DDAH1: variants seen among roughly 807,000 people sequenced by gnomAD.
The protein encoded by DDAH1 is N(G),N(G)-dimethylarginine dimethylaminohydrolase 1.
Under a neutral mutation model 28.8 loss-of-function variants are expected in DDAH1, and 19 were observed. The observed-to-expected ratio is 0.66, with a 90% CI of 0.46 to 0.97. The LOEUF is 0.97. DDAH1 is among the 50% of genes least tolerant of loss of function. The pLI is 0.00. For synonymous variants in DDAH1, 153 were observed against 154.4 expected (o/e 0.99, Z 0.07); for missense variants, 326 against 375.9 (o/e 0.87, Z 1.10).
At chr1:85,377,320 T>G (rs1650725602) in intron 1 of DDAH1, among the ~76,000 whole-genome samples, 1 of 152,084 alleles carries the variant, frequency 6.6e-6, no homozygotes, top group Admixed American at 6.5e-5. Context: ...ATTAATACAT[T>G]ATTAATTATA....
chr1:85,436,040 A>C (rs1653927449), intron 1 of DDAH1, among the ~76,000 whole-genome samples: 1 of 151,718 alleles, frequency 6.6e-6, no homozygotes, highest in Non-Finnish European at 1.5e-5. Context: ...ACCTCAAGTG[A>C]TCTGCCCACA....
intron 1 of DDAH1, among the ~76,000 whole-genome samples, chr1:85,540,629 C>G (rs1005023657): frequency 2.0e-5 from 3 of 152,132 alleles, no homozygotes; most frequent in African/African-American, 7.2e-5. Context: ...CCATAAAGCC[C>G]AGCAACTTCT....
At chr1:85,500,740 C>T (rs1412812161) in intron 1 of DDAH1, among the ~76,000 whole-genome samples, 1 of 152,150 alleles carries the variant, frequency 6.6e-6, no homozygotes, top group Non-Finnish European at 1.5e-5. Context: ...GTCAGAGAGG[C>T]TCTGTTCATT....
chr1:85,449,571 T>C (rs2100667191), intron 1 of DDAH1, among the ~76,000 whole-genome samples: 1 of 152,108 alleles, frequency 6.6e-6, no homozygotes, highest in African/African-American at 2.4e-5. Flanking sequence ...CCAAGACAGC[T>C]AGAGAGAATG....
intron 1 of DDAH1, among the ~76,000 whole-genome samples, chr1:85,502,664 A>G (rs532752): frequency 0.99 from 150,811 of 152,294 alleles, 74,692 homozygotes; most frequent in Middle Eastern, 1. Context: ...ACCTATCCCC[A>G]CCGCCACCAC....
chr1:85,428,916 G>A (rs1334861893), intron 1 of DDAH1, among the ~76,000 whole-genome samples: 1 of 152,110 alleles, frequency 6.6e-6, no homozygotes, highest in Admixed American at 6.6e-5. Context: ...ATGAGGAAGT[G>A]AAACAAGCCA....
At chr1:85,470,519 CAAAG>C (rs1296659931) in intron 2 of DDAH1, among the ~76,000 whole-genome samples, 1 of 152,174 alleles carries the variant, frequency 6.6e-6, no homozygotes, top group Admixed American at 6.5e-5. Flanking sequence ...TGGGAATTCT[CAAAG>C]AGAAGGAGGG....
chr1:85,536,990 T>C (rs1340532334), intron 1 of DDAH1, among the ~76,000 whole-genome samples: 1 of 140,822 alleles, frequency 7.1e-6, no homozygotes, highest in Non-Finnish European at 1.5e-5. Flanking sequence ...TATATACGTA[T>C]ATACATACAC....
chr1:85,481,303 G>C (rs2100716970), intron 2 of DDAH1, among the ~76,000 whole-genome samples: 1 of 152,078 alleles, frequency 6.6e-6, no homozygotes, highest in South Asian at 2.1e-4. Flanking sequence ...TCACCATGTT[G>C]ACCAGGCTGG....
intron 4 of DDAH1, among the ~76,000 whole-genome samples, chr1:85,335,695 C>T (rs1648064230): frequency 6.6e-6 from 1 of 152,090 alleles, no homozygotes; most frequent in South Asian, 2.1e-4. Context: ...TGGTGGCTCA[C>T]ATCTGTAATC....
intron 4 of DDAH1, among the ~76,000 whole-genome samples, chr1:85,348,961 C>A (rs1417103986): frequency 6.6e-6 from 1 of 152,112 alleles, no homozygotes. Flanking sequence ...ATGGTATAGA[C>A]CAGCTTAAAC....
At chr1:85,511,075 T>A (rs1351296771) in intron 1 of DDAH1, among the ~76,000 whole-genome samples, 5 of 152,290 alleles carry the variant, frequency 3.3e-5, no homozygotes, top group Middle Eastern at 3.4e-3. Context: ...TCGCATTTAC[T>A]CCAAAATTGA....
intron 1 of DDAH1, among the ~76,000 whole-genome samples, chr1:85,434,793 A>G (rs561070739): frequency 6.6e-6 from 1 of 152,260 alleles, no homozygotes; most frequent in East Asian, 1.9e-4. Flanking sequence ...ATATTCTTGA[A>G]TCTAGGCAAA....
At chr1:85,407,121 C>T (rs757461470) in intron 1 of DDAH1, among the ~76,000 whole-genome samples, 9 of 152,136 alleles carry the variant, frequency 5.9e-5, no homozygotes, top group African/African-American at 9.7e-5. Flanking sequence ...AGTTTTCTCA[C>T]GTATTTTCCC....
chr1:85,473,581 A>G (rs768219204), intron 2 of DDAH1, among the ~76,000 whole-genome samples: 1 of 151,760 alleles, frequency 6.6e-6, no homozygotes, highest in Non-Finnish European at 1.5e-5. Flanking sequence ...GCACAGAGAA[A>G]TGCCAGTTTC....
chr1:85,527,877 A>C (rs1298689199), intron 1 of DDAH1, among the ~76,000 whole-genome samples: 1 of 152,192 alleles, frequency 6.6e-6, no homozygotes, highest in Admixed American at 6.5e-5. Flanking sequence ...AGTTTTTAAA[A>C]ATTCTATTTA....
chr1:85,417,114 C>G (rs1484591032), intron 1 of DDAH1, among the ~76,000 whole-genome samples: 1 of 152,176 alleles, frequency 6.6e-6, no homozygotes, highest in Non-Finnish European at 1.5e-5. Flanking sequence ...GTAAAATGAT[C>G]AAATTATCAG....
intron 4 of DDAH1, among the ~76,000 whole-genome samples, chr1:85,338,564 ACGCAGCCAGTGT>A (rs1648274384): frequency 6.6e-6 from 1 of 152,188 alleles, no homozygotes; most frequent in African/African-American, 2.4e-5. Flanking sequence ...TGAACTCCAG[ACGCAGCCAGTGT>A]TCTCACAGCG....
intron 1 of DDAH1, among the ~76,000 whole-genome samples, chr1:85,511,769 G>A (rs1321892391): frequency 2.6e-5 from 4 of 152,142 alleles, no homozygotes; most frequent in East Asian, 3.9e-4. Flanking sequence ...TAAATTCCTG[G>A]ACACATACAC....
Sources: gnomAD v4.1 joint callset for allele counts (sites outside exome capture counted in the v4.1 genomes callset) on GRCh38, gnomAD v4.1.1 for gene constraint, MANE v1.5 for transcripts, NCBI Gene and HGNC (gene_info 2026-07-23, HGNC 2026-07-21) for gene names.